LTBP1: variants seen among roughly 807,000 people sequenced by gnomAD.
The protein encoded by LTBP1 is latent transforming growth factor beta binding protein 1, also known as latent-transforming growth factor beta-binding protein 1.
Under a neutral mutation model 207.6 loss-of-function variants are expected in LTBP1, and 129 were observed. That is an observed-to-expected ratio of 0.62 (90% CI 0.54 to 0.72). The LOEUF (loss-of-function observed/expected upper bound fraction) is 0.72. Ranked by LOEUF, LTBP1 falls within the 30% of genes least tolerant of loss-of-function variation. The probability of loss-of-function intolerance (pLI) is 0.00; values close to 1 mark genes in which losing one functional copy is unlikely to be tolerated. For missense variants in LTBP1, 2,281 were observed against 2,217.2 expected (o/e 1.03, Z -0.58); for synonymous variants, 963 against 833.7 (o/e 1.16, Z -2.67).
At chr2:33,039,159 T>C (rs1383993321) in intron 3 of LTBP1, among the ~76,000 whole-genome samples, 1 of 152,236 alleles carries the variant, frequency 6.6e-6, no homozygotes, top group African/African-American at 2.4e-5. Flanking sequence ...ATAATCCCAC[T>C]CTTCTCTTTG....
At chr2:32,950,602 G>A (rs1241185571) in intron 2 of LTBP1, among the ~76,000 whole-genome samples, 3 of 151,528 alleles carry the variant, frequency 2.0e-5, no homozygotes, top group Non-Finnish European at 2.9e-5. Flanking sequence ...GTGCATGCCT[G>A]TAATTGTAAT....
chr2:33,182,713 C>T (rs1485452782), intron 5 of LTBP1, among the ~76,000 whole-genome samples: 2,985 of 66,406 alleles, frequency 0.045, 331 homozygotes, highest in African/African-American at 0.1. Flanking sequence ...CACACACACA[C>T]ACACACACAC....
chr2:32,999,606 A>G (rs219169), intron 2 of LTBP1, among the ~76,000 whole-genome samples: 42,714 of 133,306 alleles, frequency 0.32, 13,780 homozygotes, highest in Non-Finnish European at 0.45. Flanking sequence ...AAAGATCCAG[A>G]GGCGGCTGGG....
intron 7 of LTBP1, among the ~76,000 whole-genome samples, chr2:33,213,876 T>C (rs1208120127): frequency 1.3e-5 from 2 of 152,234 alleles, no homozygotes; most frequent in African/African-American, 4.8e-5. Context: ...CTTATGCTGC[T>C]CTTGGCTGTG....
At chr2:33,232,594 C>A (rs2149580927) in intron 9 of LTBP1, among the ~76,000 whole-genome samples, 1 of 152,098 alleles carries the variant, frequency 6.6e-6, no homozygotes. Context: ...GCATTTGTTT[C>A]TTCTTTTGGG....
chr2:33,319,632 C>T (rs369569236), intron 24 of LTBP1, among the ~76,000 whole-genome samples: 2 of 152,114 alleles, frequency 1.3e-5, no homozygotes, highest in Non-Finnish European at 2.9e-5. Flanking sequence ...GGAACAACTG[C>T]GCTCTCCCAG....
chr2:33,357,404 G>A (rs1217841219), intron 26 of LTBP1, among the ~76,000 whole-genome samples: 1 of 152,148 alleles, frequency 6.6e-6, no homozygotes, highest in Non-Finnish European at 1.5e-5. Flanking sequence ...AGAGAATAAA[G>A]GGCAAAGCAG....
chr2:33,245,176 G>A (rs1285362266), intron 10 of LTBP1, among the ~76,000 whole-genome samples: 1 of 152,046 alleles, frequency 6.6e-6, no homozygotes, highest in Non-Finnish European at 1.5e-5. Context: ...CACCATGCCC[G>A]GCCACTTTTA....
At chr2:33,245,203 G>C (rs1227849894) in intron 10 of LTBP1, among the ~76,000 whole-genome samples, 1 of 152,074 alleles carries the variant, frequency 6.6e-6, no homozygotes, top group Non-Finnish European at 1.5e-5. Context: ...TTTTAATGTG[G>C]CTTTGGTATA....
chr2:32,962,545 T>G lies in LTBP1; in HGVS notation c.565+13600T>G, dbSNP rs140095857. ...TAGTAAGCATTGCAAGTTACGTTTG[T>G]TTCGAGTGGAAGACCAGCTGAAATC... On this transcript the variant is annotated intron_variant, in intron 2 of 33. Transcript: ENST00000404816. 1.9e-3 allele frequency among the ~76,000 whole-genome samples: 289 copies of G among 152,354 alleles called. 1 individual carries two copies. The highest frequency in any genetic ancestry group is 6.7e-3 in the African/African-American group (279 of 41,588).
intron 24 of LTBP1, among the ~76,000 whole-genome samples, chr2:33,320,686 T>C (rs2094341636): frequency 6.6e-6 from 1 of 152,184 alleles, no homozygotes; most frequent in Non-Finnish European, 1.5e-5. Context: ...ATGAATTCTA[T>C]TGTCCAGACA....
At chr2:32,976,257 T>A (rs1203027088) in intron 2 of LTBP1, among the ~76,000 whole-genome samples, 1 of 152,132 alleles carries the variant, frequency 6.6e-6, no homozygotes, top group Non-Finnish European at 1.5e-5. Context: ...GGGGCCAAGG[T>A]GTTCCCGGTC....
chr2:33,304,476 C>T (rs1386518378), intron 22 of LTBP1, among the ~76,000 whole-genome samples: 1 of 152,046 alleles, frequency 6.6e-6, no homozygotes, highest in East Asian at 1.9e-4. Context: ...TTCTTATTGT[C>T]CTGTCATCCT....
chr2:33,110,637 T>C lies in LTBP1; in HGVS notation c.919T>C (p.Tyr307His). 1 of 1,614,214 alleles carries C rather than the reference T, an allele frequency of 6.2e-7. No homozygotes were observed. The highest frequency in any genetic ancestry group is 8.5e-7 in the Non-Finnish European group (1 of 1,180,026). The change falls in exon 4 of 34, where the codon TAC becomes CAC. Residue 307 changes from tyrosine to histidine, a missense_variant. Physicochemically the swap from Tyr to His is moderately conservative, Grantham distance 83. Coordinates refer to ENST00000404816, the MANE Select transcript of LTBP1 (RefSeq NM_206943.4). ...VVIHHGQTQE[Y>H]VLKPKYFPAQ... ...GATTCACCATGGCCAGACCCAGGAA[T>C]ACGTGCTCAAGCCCAAGTACTTTCC...
At chr2:33,048,033 T>G (rs2076533097) in intron 3 of LTBP1, among the ~76,000 whole-genome samples, 2 of 151,638 alleles carry the variant, frequency 1.3e-5, no homozygotes, top group Non-Finnish European at 1.5e-5. Flanking sequence ...ATGGAAAAAG[T>G]TTTTTTTTAA....
At chr2:33,282,698 A>C (rs116653524) in intron 19 of LTBP1, among the ~76,000 whole-genome samples, 1 of 152,180 alleles carries the variant, frequency 6.6e-6, no homozygotes, top group South Asian at 2.1e-4. Context: ...AACTGGATAT[A>C]TATTCATTCA....
intron 7 of LTBP1, 125 bp downstream of exon 7, chr2:33,188,976 C>A: frequency 1.8e-6 from 2 of 1,137,328 alleles, no homozygotes; most frequent in Non-Finnish European, 2.5e-6. Flanking sequence ...TGACTTGTGG[C>A]CATATTTTTG....
intron 31 of LTBP1, among the ~76,000 whole-genome samples, chr2:33,382,149 C>T (rs71447910): frequency 1.7e-5 from 2 of 117,314 alleles, no homozygotes; most frequent in Non-Finnish European, 1.6e-5. Flanking sequence ...GGCTGGAGTG[C>T]AGTGGTGCGA....
chr2:33,392,336 AC>A (rs1180833029), intron 32 of LTBP1, among the ~76,000 whole-genome samples: 1 of 152,006 alleles, frequency 6.6e-6, no homozygotes, highest in Non-Finnish European at 1.5e-5. Context: ...ATAGGCATGC[AC>A]CACCATGCCC....
Sources: gnomAD v4.1 joint callset for allele counts (sites outside exome capture counted in the v4.1 genomes callset) on GRCh38, gnomAD v4.1.1 for gene constraint, MANE v1.5 for transcripts, NCBI Gene and HGNC (gene_info 2026-07-23, HGNC 2026-07-21) for gene names.